The following GBE1 variants were observed in gnomAD, a reference collection of about 807,000 sequenced individuals.
GBE1 encodes 1,4-alpha-glucan branching enzyme 1, also known as 1,4-alpha-glucan-branching enzyme.
A neutral mutation model predicts 88.8 loss-of-function variants in GBE1; 70 were observed. The observed-to-expected ratio is 0.79, with a 90% CI of 0.65 to 0.96. The LOEUF is 0.96. Among genes scored for constraint, GBE1 ranks in the 40% least tolerant of loss-of-function variants. The pLI, the probability that GBE1 is intolerant of heterozygous loss-of-function variation, is 0.00. For synonymous variants in GBE1, 284 were observed against 300.1 expected, an observed-to-expected ratio of 0.95 and a Z score of 0.56; for missense variants, 872 against 871.0, an observed-to-expected ratio of 1.00 and a Z score of -0.01.
At chr3:81,528,583 G>C (rs1702975809) in intron 14 of GBE1, among the ~76,000 whole-genome samples, 1 of 151,950 alleles carries the variant, frequency 6.6e-6, no homozygotes, top group Non-Finnish European at 1.5e-5. Flanking sequence ...GGGTATTGAA[G>C]TCTCCAGCTG....
chr3:81,550,296 C>T (rs770135041), intron 12 of GBE1, among the ~76,000 whole-genome samples: 3 of 151,288 alleles, frequency 2.0e-5, no homozygotes, highest in Admixed American at 6.6e-5. Flanking sequence ...TCAATAGTTA[C>T]GAATGGCTAT....
chr3:81,623,416 C>T (rs144142553), intron 7 of GBE1, among the ~76,000 whole-genome samples: 2 of 152,234 alleles, frequency 1.3e-5, no homozygotes, highest in Non-Finnish European at 2.9e-5. Flanking sequence ...CACTTTACAA[C>T]ATAACACTGA....
intron 7 of GBE1, among the ~76,000 whole-genome samples, chr3:81,600,265 CAAATAAAT>C (rs71277596): frequency 4.0e-5 from 6 of 151,356 alleles, no homozygotes; most frequent in South Asian, 2.1e-4. Context: ...GTCTCAAAAA[CAAATAAAT>C]AAATAAATAA....
chr3:81,686,633 G>C (rs936166975), intron 2 of GBE1, among the ~76,000 whole-genome samples: 1 of 151,998 alleles, frequency 6.6e-6, no homozygotes, highest in African/African-American at 2.4e-5. Context: ...GCGTATGCCT[G>C]TAATCCCAGC....
chr3:81,611,882 T>C (rs2106993020), intron 7 of GBE1, among the ~76,000 whole-genome samples: 1 of 152,160 alleles, frequency 6.6e-6, no homozygotes. Flanking sequence ...TCAGGGAATA[T>C]CCAAACACAA....
chr3:81,499,429 A>C (rs1204991599), intron 14 of GBE1, among the ~76,000 whole-genome samples: 1 of 152,178 alleles, frequency 6.6e-6, no homozygotes, highest in African/African-American at 2.4e-5. Flanking sequence ...GATCCCTGTT[A>C]TACTTCCATC....
At chr3:81,680,412 C>T (rs1362424154) in intron 2 of GBE1, among the ~76,000 whole-genome samples, 6 of 149,086 alleles carry the variant, frequency 4.0e-5, no homozygotes, top group Admixed American at 2.7e-4. Flanking sequence ...AGGAGAATGG[C>T]GTGAACCCGG....
At chr3:81,690,126 C>T (rs1238588225) in intron 2 of GBE1, among the ~76,000 whole-genome samples, 1 of 152,086 alleles carries the variant, frequency 6.6e-6, no homozygotes, top group Non-Finnish European at 1.5e-5. Flanking sequence ...TCTGTGCCTA[C>T]CCCAGTTTCT....
intron 7 of GBE1, chr3:81,613,088 T>C: frequency 1.6e-6 from 1 of 608,152 alleles, no homozygotes; most frequent in South Asian, 1.7e-5. Flanking sequence ...AATAGAACAC[T>C]GATGGATTCC....
At position 81,733,147 on chromosome 3, in the gene GBE1, G is replaced by C. The variant is rs756455950; in HGVS notation, c.144-27534C>G. Among the ~76,000 whole-genome samples the C allele has an allele frequency of 4.2e-4, 64 of 152,036 alleles. No homozygotes were observed. Among genetic ancestry groups the C allele is most frequent in the Non-Finnish European group, 1.5e-4 (10 of 67,988 alleles). On this transcript the variant is annotated intron_variant, in intron 1 of 15. Transcript: ENST00000429644. The surrounding 1 kb of genome is among the most constrained non-coding windows in gnomAD (Gnocchi z 4.0). ...GAGCTCCACCTCCTGTCAGATCAGC[G>C]GTGGCATTAGATTCCCATAGCAGAA... is the stretch of plus-strand genomic sequence containing the variant.
At chr3:81,719,560 G>T (rs914185644) in intron 1 of GBE1, among the ~76,000 whole-genome samples, 1 of 152,128 alleles carries the variant, frequency 6.6e-6, no homozygotes, top group Non-Finnish European at 1.5e-5. Flanking sequence ...AGACACATAT[G>T]ATTTTAATTG....
chr3:81,644,129 A>C (rs1221174195), intron 6 of GBE1, among the ~76,000 whole-genome samples: 1 of 152,086 alleles, frequency 6.6e-6, no homozygotes, highest in African/African-American at 2.4e-5. Context: ...TCTACCACGT[A>C]CCATGACATT....
In GBE1 at chr3:81,523,284, A is replaced by G. The variant is rs148120873; in HGVS notation, c.1934+11911T>C. The stretch of plus-strand genomic sequence containing the variant: ...TTGACCCAGGATTTTTCTCCTAAAT[A>G]TCATCATGGAAAATTCTATACATTT... On this transcript the variant is annotated intron_variant, in intron 14 of 15. Coordinates refer to ENST00000429644, the MANE Select transcript of GBE1 (RefSeq NM_000158.4). 1.9e-3 allele frequency among the ~76,000 whole-genome samples: 282 copies of G among 151,306 alleles called. 4 individuals carry two copies. Among genetic ancestry groups the G allele is most frequent in the East Asian group, 1.4e-3 (7 of 5,144 alleles).
At position 81,750,672 on chromosome 3, in the gene GBE1, T is replaced by C. The variant is rs1375765265; in HGVS notation, c.143+10703A>G. ...ATATATATATATGTATATATATATATACGTATATATATATATATATATGTA... is the reference window on the plus strand; with the variant it reads ...ATATATATATATGTATATATATATACACGTATATATATATATATATATGTA... On this transcript the variant is annotated intron_variant, in intron 1 of 15. Transcript: ENST00000429644. Among the ~76,000 whole-genome samples the C allele has an allele frequency of 1.5e-3, 113 of 77,716 alleles. 10 individuals are homozygous for C. Among genetic ancestry groups the C allele is most frequent in the African/African-American group, 8.6e-3 (95 of 11,100 alleles). The allele number at this position is 77,716 out of a possible 152,430, so 51.0% of individuals were successfully genotyped here.
At chr3:81,590,602 G>T (rs1333367059) in intron 9 of GBE1, among the ~76,000 whole-genome samples, 2 of 151,968 alleles carry the variant, frequency 1.3e-5, no homozygotes, top group Non-Finnish European at 2.9e-5. Flanking sequence ...AAACAAGAAA[G>T]GTAATCACAT....
At chr3:81,662,334 T>C (rs1469378159) in intron 3 of GBE1, among the ~76,000 whole-genome samples, 2 of 152,118 alleles carry the variant, frequency 1.3e-5, no homozygotes, top group Non-Finnish European at 2.9e-5. Context: ...ACCCGGCCCT[T>C]CCTGCTATTT....
intron 11 of GBE1, among the ~76,000 whole-genome samples, chr3:81,580,743 T>G (rs973751618): frequency 2.2e-4 from 34 of 152,004 alleles, no homozygotes; most frequent in African/African-American, 8.2e-4. Flanking sequence ...AGCAGGAGAT[T>G]TCAGTGACTG....
At chr3:81,750,645 G>GTATATA (rs557781058) in intron 1 of GBE1, among the ~76,000 whole-genome samples, 1 of 47,720 alleles carries the variant, frequency 2.1e-5, no homozygotes, top group African/African-American at 1.9e-4. Context: ...ATATATATAT[G>GTATATA]TATATATATA....
rs376859053 is a variant in GBE1 at position 81,580,579 on chromosome 3, C to CTT, written c.1446+585_1446+586insAA. Among the ~76,000 whole-genome samples, 454 of 152,190 alleles carry CTT rather than the reference C, an allele frequency of 3.0e-3. 1 individual carries two copies. The highest frequency in any genetic ancestry group is 5.6e-3 in the South Asian group (27 of 4,828). On this transcript the variant is annotated intron_variant, in intron 11 of 15. Coordinates refer to ENST00000429644, the MANE Select transcript of GBE1 (RefSeq NM_000158.4). ...GTTGGGCAGAGAATAATGCTGGAAA[C>CTT]CGGCTTGAGCCAAAATAGGAGTGGC...
Sources: gnomAD v4.1 joint callset for allele counts (sites outside exome capture counted in the v4.1 genomes callset) on GRCh38, gnomAD v4.1.1 for gene constraint, Gnocchi (gnomAD v3.1) non-coding constraint, MANE v1.5 for transcripts, NCBI Gene and HGNC (gene_info 2026-07-23, HGNC 2026-07-21) for gene names.